Variants in MAPK4 observed in about 807,000 individuals in gnomAD.
MAPK4 encodes mitogen-activated protein kinase 4, also known as Erk3-related.
In MAPK4, 22 loss-of-function variants were observed where a neutral mutation model predicts 47.7. That is an observed-to-expected ratio of 0.46 (90% CI 0.33 to 0.66). The LOEUF (loss-of-function observed/expected upper bound fraction) is 0.66. Among genes scored for constraint, MAPK4 ranks in the 30% least tolerant of loss-of-function variants. MAPK4 has a pLI of 0.02. For synonymous variants in MAPK4, 390 were observed against 365.7 expected, an observed-to-expected ratio of 1.07 and a Z score of -0.76; for missense variants, 736 against 831.7, an observed-to-expected ratio of 0.88 and a Z score of 1.42.
At chr18:50,636,440 C>T (rs1339305055) in intron 1 of MAPK4, among the ~76,000 whole-genome samples, 1 of 152,188 alleles carries the variant, frequency 6.6e-6, no homozygotes, top group Non-Finnish European at 1.5e-5. Context: ...GACTAAATAC[C>T]TGCATGTTTT....
intron 1 of MAPK4, among the ~76,000 whole-genome samples, chr18:50,578,130 G>A (rs767707863): frequency 2.0e-5 from 3 of 152,176 alleles, no homozygotes; most frequent in African/African-American, 4.8e-5. Context: ...TTCCTGTTTA[G>A]TCCAAGGCGT....
chr18:50,659,432 G>A (rs1459053969), intron 1 of MAPK4, among the ~76,000 whole-genome samples: 1 of 152,210 alleles, frequency 6.6e-6, no homozygotes, highest in Non-Finnish European at 1.5e-5. Flanking sequence ...GAAAGCATGA[G>A]GTTCGGGAGG....
chr18:50,632,757 A>G (rs572343994), intron 1 of MAPK4, among the ~76,000 whole-genome samples: 4 of 151,910 alleles, frequency 2.6e-5, no homozygotes, highest in Admixed American at 1.3e-4. Context: ...GTAGCTGAGA[A>G]TATAGGCATG....
chr18:50,687,889 G>C (rs1384471858), intron 2 of MAPK4, among the ~76,000 whole-genome samples: 1 of 152,148 alleles, frequency 6.6e-6, no homozygotes, highest in Non-Finnish European at 1.5e-5. Flanking sequence ...ACTAATTTCA[G>C]GTGTCTCCTG....
Position 50,664,220 on chromosome 18 carries a change from G to A in MAPK4, c.262G>A (p.Gly88Ser), listed in dbSNP as rs1907463142. ...AGTGTACGAGGTGCTCGGTCCCAAG[G>A]GCACTGACCTGCAGGGTGAGCTGTT... ...VKVYEVLGPK[G>S]TDLQGELFKF... The change falls in exon 2 of 6, where the codon GGC becomes AGC. Residue 88 changes from glycine (G) to serine (S), a missense_variant. Physicochemically the swap from Gly to Ser is moderately conservative, Grantham distance 56 (BLOSUM62 0). Transcript: ENST00000400384. This position sits in a 1 kb window ranked among gnomAD's most constrained non-coding sequence, Gnocchi z 6.0. 1.2e-6 allele frequency: 2 copies of A among 1,614,024 alleles called. No homozygotes were observed. The highest frequency in any genetic ancestry group is 2.2e-5 in the East Asian group (1 of 44,880).
chr18:50,575,076 C>T (rs1216143947), intron 1 of MAPK4, among the ~76,000 whole-genome samples: 2 of 152,106 alleles, frequency 1.3e-5, no homozygotes, highest in Non-Finnish European at 2.9e-5. Context: ...GTGGGGCCTT[C>T]GGGGAGGCGT....
rs140524148 is a variant in MAPK4 at position 50,672,063 on chromosome 18, G to C, written c.546+7559G>C. Among the ~76,000 whole-genome samples, 357 of 152,244 alleles carry C rather than the reference G, an allele frequency of 2.3e-3. 1 individual carries two copies. Among genetic ancestry groups the C allele is most frequent in the Non-Finnish European group, 3.9e-3 (263 of 68,028 alleles). On this transcript the variant is annotated intron_variant, in intron 2 of 5. Transcript: ENST00000400384. ...GAAATATTCAATCTGTGACTAAAATGGGGTCTCTGCCGGTGATCAAGAGAG... is the reference window on the plus strand; with the variant it reads ...GAAATATTCAATCTGTGACTAAAATCGGGTCTCTGCCGGTGATCAAGAGAG...
intron 1 of MAPK4, among the ~76,000 whole-genome samples, chr18:50,646,262 G>A (rs1428847465): frequency 6.6e-6 from 1 of 152,170 alleles, no homozygotes; most frequent in Non-Finnish European, 1.5e-5. Flanking sequence ...TCCAGCCAAG[G>A]CTGTCCCTGA....
At chr18:50,694,129 A>G (rs938365614) in intron 2 of MAPK4, among the ~76,000 whole-genome samples, 1 of 152,230 alleles carries the variant, frequency 6.6e-6, no homozygotes, top group African/African-American at 2.4e-5. Flanking sequence ...CTAAAATCCA[A>G]AGAAAGTCGT....
chr18:50,729,193 G>C lies in MAPK4; in HGVS notation c.1103G>C (p.Arg368Pro). 6.3e-7 allele frequency: 1 copy of C among 1,592,472 alleles called. No homozygotes were observed. Among genetic ancestry groups the C allele is most frequent in the South Asian group, 1.1e-5 (1 of 90,064 alleles). Reference protein sequence around the residue: ...PVSLSSDLEWRPDRCQDASEV... With the variant: ...PVSLSSDLEWPPDRCQDASEV... ...AGCCTGTCGTCGGACCTGGAGTGGC[G>C]GCCTGACCGGTGCCAGGACGCCAGC... The change falls in exon 6 of 6, where the codon CGG becomes CCG. Residue 368 changes from arginine (R) to proline (P), a missense_variant. By Grantham distance (103) the Arg-to-Pro change is moderately radical. Transcript: ENST00000400384.
intron 1 of MAPK4, among the ~76,000 whole-genome samples, chr18:50,644,608 G>C (rs893320): frequency 0.84 from 128,006 of 152,102 alleles, 54,018 homozygotes; most frequent in East Asian, 1. Flanking sequence ...GCCATTCCCC[G>C]CATCGCCAAA....
chr18:50,588,061 A>G (rs2042404023), intron 1 of MAPK4, among the ~76,000 whole-genome samples: 1 of 152,062 alleles, frequency 6.6e-6, no homozygotes, highest in Admixed American at 6.6e-5. Context: ...AGTATTTCTC[A>G]GTGTCTTTTT....
At chr18:50,634,042 A>G (rs1323391626) in intron 1 of MAPK4, among the ~76,000 whole-genome samples, 2 of 152,116 alleles carry the variant, frequency 1.3e-5, no homozygotes, top group Non-Finnish European at 2.9e-5. Context: ...GAAATTCAGA[A>G]TTTGTTTTTT....
chr18:50,641,866 C>T (rs952144953), intron 1 of MAPK4, among the ~76,000 whole-genome samples: 3 of 152,150 alleles, frequency 2.0e-5, no homozygotes, highest in Non-Finnish European at 4.4e-5. Flanking sequence ...AATTCTGTAT[C>T]TATCTTGTAA....
chr18:50,575,727 A>C (rs893116864), intron 1 of MAPK4, among the ~76,000 whole-genome samples: 1 of 149,898 alleles, frequency 6.7e-6, no homozygotes, highest in African/African-American at 2.4e-5. Flanking sequence ...TTTGTAAACT[A>C]TGCATCTGAC....
At chr18:50,614,728 G>A (rs927756253) in intron 1 of MAPK4, among the ~76,000 whole-genome samples, 1 of 152,292 alleles carries the variant, frequency 6.6e-6, no homozygotes, top group East Asian at 1.9e-4. Context: ...GTTACGAATT[G>A]TTTAATATTG....
At chr18:50,686,674 A>G (rs1415048748) in intron 2 of MAPK4, among the ~76,000 whole-genome samples, 1 of 152,208 alleles carries the variant, frequency 6.6e-6, no homozygotes, top group African/African-American at 2.4e-5. Flanking sequence ...CCCAGTGGAC[A>G]CGTCTGCTAT....
chr18:50,673,855 CA>C (rs1273413663), intron 2 of MAPK4, among the ~76,000 whole-genome samples: 1 of 151,344 alleles, frequency 6.6e-6, no homozygotes, highest in East Asian at 1.9e-4. Context: ...GACTCCGTCT[CA>C]AAAAAAACAA....
chr18:50,616,369 T>A (rs1189533174), intron 1 of MAPK4, among the ~76,000 whole-genome samples: 1 of 152,204 alleles, frequency 6.6e-6, no homozygotes, highest in Non-Finnish European at 1.5e-5. Context: ...GATTTCCTCA[T>A]CCATAAAATA....
Sources: gnomAD v4.1 joint callset for allele counts (sites outside exome capture counted in the v4.1 genomes callset) on GRCh38, gnomAD v4.1.1 for gene constraint, Gnocchi (gnomAD v3.1) non-coding constraint, MANE v1.5 for transcripts, NCBI Gene and HGNC (gene_info 2026-07-23, HGNC 2026-07-21) for gene names.